The following TMEM245 variants were observed in gnomAD, a reference collection of about 807,000 sequenced individuals.
The protein encoded by TMEM245 is transmembrane protein 245, also known as protein CG-2.
In TMEM245, 69 loss-of-function variants were observed where a neutral mutation model predicts 101.2. That is an observed-to-expected ratio of 0.68 (90% CI 0.56 to 0.83). TMEM245 has a LOEUF of 0.83. Ranked by LOEUF, TMEM245 falls within the 40% of genes least tolerant of loss-of-function variation. TMEM245 has a pLI of 0.00. For missense variants in TMEM245, 1,075 were observed against 1,092.8 expected, an observed-to-expected ratio of 0.98 and a Z score of 0.23; for synonymous variants, 537 against 449.8, an observed-to-expected ratio of 1.19 and a Z score of -2.45.
intron 11 of TMEM245, among the ~76,000 whole-genome samples, chr9:109,059,264 T>C (rs751053982): frequency 2.0e-5 from 3 of 152,130 alleles, no homozygotes; most frequent in Non-Finnish European, 4.4e-5. Context: ...TTCCTTCAAC[T>C]CATCCCAAAG....
chr9:109,119,899 G>A lies in TMEM245; in HGVS notation c.15C>T (p.Gly5=), dbSNP rs1460600292. Residue 5 remains glycine, a synonymous_variant, in exon 1 of 18, where the codon GGC becomes GGT. Transcript: ENST00000374586. ...GCAGGCTTGGCGCGTCCTTAGGGCC[G>A]CCGCCGTCGGCCATCGTTCCTCCGC... MADG[G]GPKDAPSLRS... is the part of the protein sequence containing the mutation. 11 of 1,269,980 alleles carry A rather than the reference G, an allele frequency of 8.7e-6. No individual in the cohort carries two copies. Among genetic ancestry groups the A allele is most frequent in the Non-Finnish European group, 9.9e-6 (10 of 1,013,104 alleles). 78.7% of individuals were successfully genotyped at this position (1,269,980 alleles called of 1,614,324 possible). A position where few individuals can be genotyped will look rare whatever the true frequency, so the allele number is the denominator to read the frequency against.
chr9:109,108,647 G>A (rs1588081280), intron 1 of TMEM245, 77 bp from the exon 2 acceptor site: 1 of 1,066,618 alleles, frequency 9.4e-7, no homozygotes, highest in Non-Finnish European at 1.4e-6. Flanking sequence ...ATCTGTAAGT[G>A]TCTATACAGC....
intron 10 of TMEM245, among the ~76,000 whole-genome samples, chr9:109,061,648 A>T (rs1829015954): frequency 6.6e-6 from 1 of 151,564 alleles, no homozygotes; most frequent in Non-Finnish European, 1.5e-5. Flanking sequence ...CTCTCATTGC[A>T]ACCTCTGCCT....
At chr9:109,025,495 T>C (rs553711606) in intron 17 of TMEM245, among the ~76,000 whole-genome samples, 1 of 152,326 alleles carries the variant, frequency 6.6e-6, no homozygotes, top group South Asian at 2.1e-4. Context: ...AAAGCTGAGT[T>C]CCTAAAGGAC....
intron 14 of TMEM245, among the ~76,000 whole-genome samples, chr9:109,045,650 A>G (rs1489031018): frequency 1.3e-5 from 2 of 152,248 alleles, no homozygotes; most frequent in East Asian, 1.9e-4. Context: ...TTCCATTATT[A>G]GCCCACTAAA....
At chr9:109,090,826 C>A in intron 5 of TMEM245, 96 bp downstream of exon 5, 1 of 1,092,116 alleles carries the variant, frequency 9.2e-7, no homozygotes, top group East Asian at 2.6e-5. Flanking sequence ...CTTTGCAAGA[C>A]GGTAAATGTA....
intron 9 of TMEM245, among the ~76,000 whole-genome samples, chr9:109,071,708 T>C (rs368641710): frequency 3.9e-5 from 6 of 152,068 alleles, no homozygotes; most frequent in African/African-American, 1.4e-4. Flanking sequence ...TCAACTTAAA[T>C]CTCAACTTAT....
rs181299191 is a variant in TMEM245, at chr9:109,105,275, C to A, written c.799+1233G>T. Among the ~76,000 whole-genome samples, 58 of 152,144 alleles carry A rather than the reference C, an allele frequency of 3.8e-4. No homozygotes were observed. In the East Asian group the frequency reaches 0.011, roughly 28 times the overall value. On this transcript the variant is annotated intron_variant, in intron 3 of 17. Coordinates refer to ENST00000374586, the MANE Select transcript of TMEM245 (RefSeq NM_032012.4). ...AGATGCTCAACATCATTAGTCATTA[C>A]GGAAATGCAAATGAAAACCATAATG...
chr9:109,097,913 C>T (rs1171432019), intron 3 of TMEM245, among the ~76,000 whole-genome samples: 2 of 152,062 alleles, frequency 1.3e-5, no homozygotes, highest in African/African-American at 2.4e-5. Flanking sequence ...AGAGAGATTC[C>T]GTCTTGAAAA....
Position 109,060,428 on chromosome 9 carries a change from C to T in TMEM245, c.1648G>A (p.Val550Met). 6.2e-7 allele frequency: 1 copy of T among 1,612,924 alleles called. No individual in the cohort carries two copies. The highest frequency in any genetic ancestry group is 8.5e-7 in the Non-Finnish European group (1 of 1,179,384). Reference protein sequence around the residue: ...HKLHKILGDKVNNTAVIEKQV... With the variant: ...HKLHKILGDKMNNTAVIEKQV... ...TTTTCAATTACAGCAGTATTGTTCA[C>T]CTTATCTCCTAGAATTTTATGGAGC... Residue 550 changes from valine to methionine, a missense_variant, in exon 11 of 18, where the codon GTG becomes ATG. This residue lies in a region of TMEM245 where 808 missense variants were observed against 741.5 expected (regional missense o/e 1.09). Transcript: ENST00000374586.
chr9:109,072,230 A>T (rs1290386455), intron 9 of TMEM245, among the ~76,000 whole-genome samples: 3 of 152,146 alleles, frequency 2.0e-5, no homozygotes, highest in Admixed American at 2.0e-4. Context: ...ATCTGTAAAC[A>T]CTGTGTTCAA....
intron 5 of TMEM245, among the ~76,000 whole-genome samples, chr9:109,089,530 T>C (rs746373510): frequency 1.3e-5 from 2 of 152,122 alleles, no homozygotes; most frequent in African/African-American, 4.8e-5. Context: ...AGTAATCAAA[T>C]GTAGAAGGTA....
rs112441017 is a variant in TMEM245 at position 109,019,647 on chromosome 9, C to G, written c.*813G>C. 149 of 152,570 alleles carry G rather than the reference C, an allele frequency of 9.8e-4. 1 individual carries two copies. The highest frequency in any genetic ancestry group is 3.3e-3 in the African/African-American group (139 of 41,582). 9.5% of individuals were successfully genotyped at this position (152,570 alleles called of 1,614,324 possible). A position where few individuals can be genotyped will look rare whatever the true frequency, so the allele number is the denominator to read the frequency against. On this transcript the variant is annotated 3_prime_UTR_variant, in exon 18 of 18. Coordinates refer to ENST00000374586, the MANE Select transcript of TMEM245 (RefSeq NM_032012.4). ...AATGAAACGGATACATTTAACAAAT[C>G]AGAGTATTGCTACACCTGAGATTTT...
At chr9:109,050,195 TG>T in intron 14 of TMEM245, 87 bp downstream of exon 14, 1 of 1,479,734 alleles carries the variant, frequency 6.8e-7, no homozygotes, top group Non-Finnish European at 9.3e-7. Flanking sequence ...TAGCACTGAA[TG>T]TTATCAGGAT....
intron 12 of TMEM245, among the ~76,000 whole-genome samples, chr9:109,052,492 G>T (rs973747776): frequency 6.6e-5 from 10 of 152,302 alleles, no homozygotes; most frequent in African/African-American, 2.2e-4. Flanking sequence ...TCTATGAAAA[G>T]TCTTCTCCAT....
At chr9:109,103,605 T>C (rs1407997136) in intron 3 of TMEM245, among the ~76,000 whole-genome samples, 1 of 152,074 alleles carries the variant, frequency 6.6e-6, no homozygotes, top group African/African-American at 2.4e-5. Context: ...CTGCAGGCCA[T>C]ATAAGCTAAG....
rs760022089 is a variant in TMEM245 at position 109,036,244 on chromosome 9, T to C, written c.2361A>G (p.Thr787=). The part of the protein sequence containing the change: ...ILLLIFHLLP[T]YFVDTAIYSD... ...AGTAGATTGCAGTATCTACAAAGTA[T>C]GTTGGCAAGAGATGAAAAATCAACA... The change falls in exon 16 of 18, where the codon ACA becomes ACG. Residue 787 remains threonine, a synonymous_variant. Coordinates refer to ENST00000374586, the MANE Select transcript of TMEM245 (RefSeq NM_032012.4). 2 of 1,613,408 alleles carry C rather than the reference T, an allele frequency of 1.2e-6. No individual in the cohort carries two copies. Among genetic ancestry groups the C allele is most frequent in the South Asian group, 1.1e-5 (1 of 90,938 alleles).
chr9:109,026,705 T>C (rs773132675), intron 17 of TMEM245, among the ~76,000 whole-genome samples: 1 of 151,064 alleles, frequency 6.6e-6, no homozygotes, highest in Non-Finnish European at 1.5e-5. Flanking sequence ...TATGTTAAAA[T>C]GTGATCCCTA....
At chr9:109,042,595 GCTTCT>G (rs1828344245) in intron 14 of TMEM245, 1 of 151,872 alleles carries the variant, frequency 6.6e-6, no homozygotes. Context: ...TCTGAGCTCT[GCTTCT>G]GTCCACATGT....
Sources: allele counts gnomAD v4.1 joint callset (sites outside exome capture counted in the v4.1 genomes callset), GRCh38; gene constraint gnomAD v4.1.1; regional missense constraint gnomAD v4.1.1; transcripts MANE v1.5; gene names NCBI Gene and HGNC (gene_info 2026-07-23, HGNC 2026-07-21).